Variants in TENM2 observed in about 807,000 individuals in gnomAD.
TENM2 encodes teneurin-2.
A neutral mutation model predicts 245.2 loss-of-function variants in TENM2; 52 were observed. The ratio of observed to expected loss-of-function variants is 0.21; its 90% CI spans 0.17 to 0.27. The LOEUF is 0.27. Ranked by LOEUF, TENM2 falls within the 10% of genes least tolerant of loss-of-function variation. The probability of loss-of-function intolerance (pLI) is 1.00; values close to 1 mark genes in which losing one functional copy is unlikely to be tolerated. For synonymous variants in TENM2, 1,363 were observed against 1,438.9 expected, an observed-to-expected ratio of 0.95 and a Z score of 1.19; for missense variants, 3,046 against 3,666.8, an observed-to-expected ratio of 0.83 and a Z score of 4.37.
intron 6 of TENM2, among the ~76,000 whole-genome samples, chr5:168,056,254 T>A (rs1789533080): frequency 6.6e-6 from 1 of 152,232 alleles, no homozygotes; most frequent in Non-Finnish European, 1.5e-5. Context: ...CCATGCTGGC[T>A]GCAGCAATTT....
At chr5:168,212,672 TCTC>T (rs1762882149) in intron 20 of TENM2, among the ~76,000 whole-genome samples, 1 of 152,152 alleles carries the variant, frequency 6.6e-6, no homozygotes, top group African/African-American at 2.4e-5. Flanking sequence ...TCTGTCTTCT[TCTC>T]AGGCACCCCA....
At chr5:167,065,766 T>A in the TENM2 span, among the ~76,000 whole-genome samples, 12 of 152,342 alleles carry the variant, frequency 7.9e-5, no homozygotes, top group East Asian at 1.2e-3. Flanking sequence ...AAGTGTTTAT[T>A]CATGGACTGG....
chr5:167,212,735 C>T, the TENM2 span, among the ~76,000 whole-genome samples: 4 of 152,130 alleles, frequency 2.6e-5, no homozygotes, highest in Admixed American at 6.5e-5. Context: ...TTTTCCAGCT[C>T]GGATTTTCAA....
intron 2 of TENM2, among the ~76,000 whole-genome samples, chr5:167,732,253 A>G (rs1399382908): frequency 6.6e-6 from 1 of 152,174 alleles, no homozygotes; most frequent in Non-Finnish European, 1.5e-5. Context: ...AAAAATCACT[A>G]GGCCATTACT....
At chr5:168,170,546 GAAGGAAGA>G (rs933457972) in intron 13 of TENM2, among the ~76,000 whole-genome samples, 2 of 152,004 alleles carry the variant, frequency 1.3e-5, no homozygotes, top group African/African-American at 4.8e-5. Flanking sequence ...AGGGAGGGAG[GAAGGAAGA>G]AAGGAAGGAA....
chr5:167,428,539 A>G (rs1764019036), intron 2 of TENM2, among the ~76,000 whole-genome samples: 1 of 152,172 alleles, frequency 6.6e-6, no homozygotes, highest in Non-Finnish European at 1.5e-5. Flanking sequence ...AAATTTGACT[A>G]CTTCAAAGTT....
chr5:167,239,165 A>G, the TENM2 span, among the ~76,000 whole-genome samples: 1 of 152,190 alleles, frequency 6.6e-6, no homozygotes, highest in Non-Finnish European at 1.5e-5. Flanking sequence ...TGTCATGTTC[A>G]TTTATCTAAC....
chr5:167,707,013 TAA>T (rs34373602), intron 2 of TENM2, among the ~76,000 whole-genome samples: 1,176 of 70,056 alleles, frequency 0.017, 17 homozygotes, highest in East Asian at 0.13. Context: ...AGACTCCGCC[TAA>T]AAAAAAAAAA....
At chr5:167,082,696 C>G in the TENM2 span, among the ~76,000 whole-genome samples, 1 of 152,050 alleles carries the variant, frequency 6.6e-6, no homozygotes, top group Non-Finnish European at 1.5e-5. Flanking sequence ...TTGCTAATAC[C>G]TCTATTTTAG....
intron 2 of TENM2, among the ~76,000 whole-genome samples, chr5:167,450,018 G>T (rs1249535466): frequency 1.3e-5 from 2 of 152,076 alleles, no homozygotes; most frequent in African/African-American, 4.8e-5. Context: ...GTATACAGTT[G>T]GTGGGTGGAT....
At chr5:167,179,586 G>A in the TENM2 span, among the ~76,000 whole-genome samples, 3 of 151,864 alleles carry the variant, frequency 2.0e-5, no homozygotes, top group South Asian at 2.1e-4. Flanking sequence ...CCCCACCCCC[G>A]CAACCCCGGC....
At chr5:168,178,442 A>T (rs1480868870) in intron 13 of TENM2, among the ~76,000 whole-genome samples, 1 of 152,156 alleles carries the variant, frequency 6.6e-6, no homozygotes, top group Non-Finnish European at 1.5e-5. Flanking sequence ...TGGTTTTTGT[A>T]ACAGCAAAGT....
chr5:167,370,210 CG>C (rs1465949006), intron 1 of TENM2, among the ~76,000 whole-genome samples: 1 of 151,516 alleles, frequency 6.6e-6, no homozygotes, highest in Non-Finnish European at 1.5e-5. Context: ...GGTGTAGTGG[CG>C]GGTGCCTGTA....
At chr5:167,449,702 A>G (rs755178341) in intron 2 of TENM2, among the ~76,000 whole-genome samples, 7 of 152,146 alleles carry the variant, frequency 4.6e-5, no homozygotes, top group Non-Finnish European at 8.8e-5. Flanking sequence ...TCATGCCTGT[A>G]ATCCCAGCAC....
intron 7 of TENM2, among the ~76,000 whole-genome samples, chr5:168,090,325 A>C (rs1379122537): frequency 6.6e-6 from 1 of 152,040 alleles, no homozygotes; most frequent in Non-Finnish European, 1.5e-5. Flanking sequence ...ATTTCAGGAT[A>C]ACAGACAAGA....
At chr5:167,754,890 G>C in intron 2 of TENM2, 1 of 904,802 alleles carries the variant, frequency 1.1e-6, no homozygotes, top group East Asian at 2.8e-5. Flanking sequence ...CTGTCTACAG[G>C]GAAGGGAGCA....
chr5:167,724,848 A>G (rs1236428185), intron 2 of TENM2, among the ~76,000 whole-genome samples: 3 of 152,212 alleles, frequency 2.0e-5, no homozygotes, highest in Non-Finnish European at 2.9e-5. Flanking sequence ...CCGCAGTCGT[A>G]GTGAGAGTGG....
chr5:168,204,813 T>A (rs148885289), intron 19 of TENM2, among the ~76,000 whole-genome samples, 192 bp downstream of exon 21: 89 of 152,316 alleles, frequency 5.8e-4, no homozygotes, highest in African/African-American at 2.0e-3. Context: ...ATACACAGAT[T>A]TGATACAATA....
the TENM2 span, among the ~76,000 whole-genome samples, chr5:167,046,960 G>T: frequency 2.0e-5 from 3 of 151,850 alleles, no homozygotes; most frequent in Admixed American, 2.0e-4. Context: ...GCACTGTTTG[G>T]TTTCTGTTCC....
Sources: gnomAD v4.1 joint callset for allele counts (sites outside exome capture counted in the v4.1 genomes callset) on GRCh38, gnomAD v4.1.1 for gene constraint, MANE v1.5 for transcripts, NCBI Gene and HGNC (gene_info 2026-07-23, HGNC 2026-07-21) for gene names.